The following MS4A18 variants were observed in gnomAD, a reference collection of about 807,000 sequenced individuals.
MS4A18 encodes the protein membrane spanning 4-domains A18.
A neutral mutation model predicts 13.1 loss-of-function variants in MS4A18; 27 were observed. That is an observed-to-expected ratio of 2.06 (90% CI 1.52 to 2.84). The LOEUF is 2.84. Among genes scored for constraint, MS4A18 ranks in the 30% most tolerant of loss-of-function variants. The pLI, the probability that MS4A18 is intolerant of heterozygous loss-of-function variation, is 0.00. For missense variants in MS4A18, 307 were observed against 196.4 expected, an observed-to-expected ratio of 1.56 and a Z score of -3.37; for synonymous variants, 126 against 76.5, an observed-to-expected ratio of 1.65 and a Z score of -3.38.
At chr11:60,739,501 C>T (rs1853385899) in intron 4 of MS4A18, among the ~76,000 whole-genome samples, 1 of 152,116 alleles carries the variant, frequency 6.6e-6, no homozygotes, top group African/African-American at 2.4e-5. Flanking sequence ...GTAAGACAAA[C>T]AAGGAGAGGA....
At chr11:60,725,970 C>T (rs566240365), upstream of MS4A18, among the ~76,000 whole-genome samples, 2 of 152,320 alleles carry the variant, frequency 1.3e-5, no homozygotes, top group South Asian at 4.1e-4. Flanking sequence ...ATGTCAAGGT[C>T]TAATGCAGAA....
At position 60,733,610 on chromosome 11, in the gene MS4A18, C is replaced by T. The variant is rs923027844; in HGVS notation, c.554C>T (p.Thr185Ile). Reference sequence around the variant, plus strand: ...GTGCTGTATTACTATCCTTTTGTGACCTGGTTGTCAGGGTACCCGCTCTGG... The same window carrying T: ...GTGCTGTATTACTATCCTTTTGTGATCTGGTTGTCAGGGTACCCGCTCTGG... Residue 185 changes from threonine to isoleucine, a missense_variant, in exon 2 of 6, where the codon ACC becomes ATC. Coordinates refer to ENST00000529108, the Ensembl canonical transcript of MS4A18. 60 of 703,514 alleles carry T rather than the reference C, an allele frequency of 8.5e-5. No individual in the cohort carries two copies. In the Admixed American group the frequency reaches 1.2e-3, roughly 14 times the overall value. The allele number at this position is 703,514 out of a possible 1,614,324, so 43.6% of individuals were successfully genotyped here. A position where few individuals can be genotyped will look rare whatever the true frequency, so the allele number is the denominator to read the frequency against.
At chr11:60,729,432 G>A in exon 1 of MS4A18, 1 of 702,790 alleles carries the variant, frequency 1.4e-6, no homozygotes. Flanking sequence ...AGCCTTCAGA[G>A]GTGACCACTT....
chr11:60,737,267 C>T (rs1043293902), intron 3 of MS4A18, among the ~76,000 whole-genome samples: 1 of 152,226 alleles, frequency 6.6e-6, no homozygotes, highest in African/African-American at 2.4e-5. Context: ...TAAGATCACA[C>T]AGTGAGTACA....
intron 5 of MS4A18, 131 bp downstream of exon 6, chr11:60,741,274 G>A (rs2134682102): frequency 1.5e-6 from 1 of 671,084 alleles, no homozygotes; most frequent in Non-Finnish European, 2.7e-6. Flanking sequence ...TTGCTGCATA[G>A]CTACCTACCC....
In MS4A18 at chr11:60,733,667, G is replaced by T. The variant is rs1431226426; in HGVS notation, c.591+20G>T. The stretch of plus-strand genomic sequence containing the variant: ...TTATCCGTGAGTACAAGGCCATATG[G>T]TCTCCTTCCTGGGTCACCAGACTGG... On this transcript the variant is annotated intron_variant, in intron 2 of 5. Transcript: ENST00000529108. The T allele has an allele frequency of 2.8e-6, 2 of 703,400 alleles. No individual in the cohort carries two copies. Among genetic ancestry groups the T allele is most frequent in the Non-Finnish European group, 5.2e-6 (2 of 385,122 alleles). The allele number at this position is 703,400 out of a possible 1,614,324, so 43.6% of individuals were successfully genotyped here. A position where few individuals can be genotyped will look rare whatever the true frequency, so the allele number is the denominator to read the frequency against.
At chr11:60,734,889 C>G (rs981763495) in intron 2 of MS4A18, among the ~76,000 whole-genome samples, 4 of 151,062 alleles carry the variant, frequency 2.6e-5, no homozygotes, top group Admixed American at 2.0e-4. Context: ...TCAAGAAATT[C>G]TCCTGTGTCG....
At chr11:60,741,959 G>C (rs1011868231) in intron 5 of MS4A18, among the ~76,000 whole-genome samples, 2 of 152,112 alleles carry the variant, frequency 1.3e-5, no homozygotes, top group Admixed American at 1.3e-4. Context: ...TTTAGTGAGA[G>C]AAAAATAGGA....
chr11:60,730,951 A>G (rs1337710570), intron 1 of MS4A18, among the ~76,000 whole-genome samples: 2 of 152,134 alleles, frequency 1.3e-5, no homozygotes, highest in African/African-American at 4.8e-5. Context: ...AAAATTAGCC[A>G]GGTGTGGTGG....
At position 60,732,455 on chromosome 11, in the gene MS4A18, C is replaced by T. The variant is rs147693611; in HGVS notation, c.478-1079C>T. ...AAATACTTACTGCATTCAGGCCTGG[C>T]GTGGTGGCTCACCCCTGTAATCCCA... On this transcript the variant is annotated intron_variant, in intron 1 of 5. Coordinates refer to ENST00000529108, the Ensembl canonical transcript of MS4A18. Among the ~76,000 whole-genome samples, 115 of 152,028 alleles carry T rather than the reference C, an allele frequency of 7.6e-4. 1 individual carries two copies. Among genetic ancestry groups the T allele is most frequent in the Middle Eastern group, 6.8e-3 (2 of 294 alleles).
intron 4 of MS4A18, among the ~76,000 whole-genome samples, chr11:60,739,518 A>C (rs1853386156): frequency 6.6e-6 from 1 of 152,180 alleles, no homozygotes; most frequent in South Asian, 2.1e-4. Flanking sequence ...AGGAAGCTGC[A>C]CTATAAACGT....
chr11:60,744,038 G>A, exon 6 of MS4A18: 2 of 679,948 alleles, frequency 2.9e-6, no homozygotes, highest in Non-Finnish European at 5.4e-6. Context: ...CTGTCTCAAT[G>A]ACAAGGGGAT....
chr11:60,737,042 A>G lies in MS4A18; in HGVS notation c.648+8A>G. On this transcript the variant is annotated splice_region_variant and intron_variant, in intron 3 of 5. Coordinates refer to ENST00000529108, the Ensembl canonical transcript of MS4A18. ...GACCCCAGTCCTTGTGTGGTAAGTC[A>G]CAGTGCTGTCTTTGATGATCCTTGA... 1 of 701,836 alleles carries G rather than the reference A, an allele frequency of 1.4e-6. No individual in the cohort carries two copies. Among genetic ancestry groups the G allele is most frequent in the Non-Finnish European group, 2.6e-6 (1 of 384,876 alleles). 43.5% of individuals were successfully genotyped at this position (701,836 alleles called of 1,614,324 possible).
chr11:60,743,421 T>C (rs1208687347), intron 5 of MS4A18, among the ~76,000 whole-genome samples: 1 of 152,232 alleles, frequency 6.6e-6, no homozygotes, highest in African/African-American at 2.4e-5. Flanking sequence ...CCAGTCTTTA[T>C]GTTCAGTGTT....
intron 1 of MS4A18, among the ~76,000 whole-genome samples, chr11:60,730,087 A>T (rs1469668887): frequency 6.6e-6 from 1 of 152,196 alleles, no homozygotes; most frequent in Non-Finnish European, 1.5e-5. Flanking sequence ...CACTAAAAAG[A>T]CCACTGAGCA....
At chr11:60,728,772 C>T (rs1300544844), upstream of MS4A18, among the ~76,000 whole-genome samples, 1 of 151,848 alleles carries the variant, frequency 6.6e-6, no homozygotes. Flanking sequence ...TGCTTCTCAG[C>T]TTTATTCTCT....
chr11:60,725,369 A>AT (rs1197411269), upstream of MS4A18, among the ~76,000 whole-genome samples: 1 of 151,798 alleles, frequency 6.6e-6, no homozygotes, highest in African/African-American at 2.4e-5. Context: ...AATTTTTTGT[A>AT]TTTTTTAGTA....
downstream of MS4A18, among the ~76,000 whole-genome samples, chr11:60,744,750 C>T (rs1229159282): frequency 1.3e-5 from 2 of 152,088 alleles, no homozygotes; most frequent in Non-Finnish European, 2.9e-5. Flanking sequence ...TGCAAATAAG[C>T]GTATGAAAAG....
chr11:60,728,659 G>T (rs926008247), upstream of MS4A18, among the ~76,000 whole-genome samples: 1 of 151,572 alleles, frequency 6.6e-6, no homozygotes, highest in Non-Finnish European at 1.5e-5. Flanking sequence ...GTGTCTATGT[G>T]TCTTCTTTCT....
Sources: allele counts gnomAD v4.1 joint callset (sites outside exome capture counted in the v4.1 genomes callset), GRCh38; gene constraint gnomAD v4.1.1; transcripts MANE v1.5; gene names NCBI Gene and HGNC (gene_info 2026-07-23, HGNC 2026-07-21).